The following SLCO3A1 variants were observed in gnomAD, a reference collection of about 807,000 sequenced individuals.
SLCO3A1 encodes the protein PGE1 transporter.
SLCO3A1 carries 27 observed loss-of-function variants against 63.1 expected under a neutral mutation model. The observed-to-expected ratio is 0.43, with a 90% CI of 0.32 to 0.59. SLCO3A1 has a LOEUF of 0.59. Ranked by LOEUF, SLCO3A1 falls within the 20% of genes least tolerant of loss-of-function variation. The pLI, the probability that SLCO3A1 is intolerant of heterozygous loss-of-function variation, is 0.09. For synonymous variants in SLCO3A1, 473 were observed against 409.9 expected, an observed-to-expected ratio of 1.15 and a Z score of -1.86; for missense variants, 773 against 945.8, an observed-to-expected ratio of 0.82 and a Z score of 2.40.
intron 4 of SLCO3A1, among the ~76,000 whole-genome samples, chr15:92,112,455 C>G (rs915204370): frequency 1.1e-4 from 16 of 152,240 alleles, no homozygotes; most frequent in African/African-American, 3.6e-4. Flanking sequence ...TGTGGAGTTT[C>G]TTGAACCACC....
At chr15:92,156,297 T>C (rs981536054) in intron 9 of SLCO3A1, among the ~76,000 whole-genome samples, 1 of 152,190 alleles carries the variant, frequency 6.6e-6, no homozygotes, top group African/African-American at 2.4e-5. Flanking sequence ...ACACTTTTAA[T>C]TGTTCATTCG....
At chr15:91,902,999 G>C (rs1158653833) in intron 1 of SLCO3A1, among the ~76,000 whole-genome samples, 2 of 152,252 alleles carry the variant, frequency 1.3e-5, no homozygotes, top group Non-Finnish European at 2.9e-5. Context: ...TAGCAGCGGT[G>C]CTTGTTACTG....
At chr15:91,924,076 G>T (rs1244679361) in intron 2 of SLCO3A1, among the ~76,000 whole-genome samples, 2 of 152,244 alleles carry the variant, frequency 1.3e-5, no homozygotes, top group Admixed American at 6.5e-5. Flanking sequence ...AGTGAGGCCA[G>T]GAGTGTCATG....
intron 2 of SLCO3A1, among the ~76,000 whole-genome samples, chr15:91,957,753 A>G (rs1900292469): frequency 6.6e-6 from 1 of 152,162 alleles, no homozygotes; most frequent in Non-Finnish European, 1.5e-5. Flanking sequence ...ATTTTTCTCC[A>G]TAGAACTTAG....
chr15:91,975,982 A>C (rs943363066), intron 2 of SLCO3A1, among the ~76,000 whole-genome samples: 3 of 152,162 alleles, frequency 2.0e-5, no homozygotes, highest in African/African-American at 7.2e-5. Flanking sequence ...GCAGCACCTC[A>C]CTTGATTATT....
intron 6 of SLCO3A1, among the ~76,000 whole-genome samples, chr15:92,127,091 A>G (rs2047933420): frequency 6.6e-6 from 1 of 152,216 alleles, no homozygotes; most frequent in Non-Finnish European, 1.5e-5. Context: ...AGCAGAACAG[A>G]GGCAGCTTTC....
chr15:92,147,308 G>A, intron 8 of SLCO3A1, 149 bp downstream of exon 8: 2 of 727,312 alleles, frequency 2.7e-6, no homozygotes, highest in Non-Finnish European at 4.4e-6. Context: ...TAGGCTGATA[G>A]GAATCAATTA....
At chr15:92,086,848 C>T (rs1264519455) in intron 2 of SLCO3A1, among the ~76,000 whole-genome samples, 28 of 152,040 alleles carry the variant, frequency 1.8e-4, no homozygotes, top group Admixed American at 1.2e-3. Context: ...TGGTGCCACA[C>T]GCCTGTAATC....
chr15:92,094,866 T>C lies in SLCO3A1; in HGVS notation c.647-15T>C. 6.3e-7 allele frequency: 1 copy of C among 1,582,320 alleles called. No homozygotes were observed. Among genetic ancestry groups the C allele is most frequent in the Non-Finnish European group, 8.7e-7 (1 of 1,151,824 alleles). ...TTCTGTTTTGTAATCTATTTTTTTC[T>C]TCATCTTCCTTCAGGAATCCTGTTC... On this transcript the variant is annotated splice_polypyrimidine_tract_variant and intron_variant, in intron 2 of 9. Coordinates refer to ENST00000318445, the MANE Select transcript of SLCO3A1 (RefSeq NM_013272.4).
Position 91,894,090 on chromosome 15 carries a change from T to C in SLCO3A1, c.181-21903T>C, listed in dbSNP as rs1897943098. Among the ~76,000 whole-genome samples the C allele has an allele frequency of 6.6e-6, 1 of 152,190 alleles. No homozygotes were observed. The highest frequency in any genetic ancestry group is 1.5e-5 in the Non-Finnish European group (1 of 68,044). On this transcript the variant is annotated intron_variant, in intron 1 of 9. Transcript: ENST00000318445. This position sits in a 1 kb window ranked among gnomAD's most constrained non-coding sequence, Gnocchi z 4.8. ...GGGAGAAATCAGCCTTGTCATGATC[T>C]GGGATAAGAGTGTTCCAGGCAGATG...
Position 92,159,717 on chromosome 15 carries a change from A to G in SLCO3A1, c.1754-3039A>G, listed in dbSNP as rs80146580. On this transcript the variant is annotated intron_variant, in intron 9 of 9. Coordinates refer to ENST00000318445, the MANE Select transcript of SLCO3A1 (RefSeq NM_013272.4). Reference sequence around the variant, plus strand: ...GTACTTAGCTTTCAAATTGTTGTTTAGAGGTTTTGTCATCTGGTAGTGGAG... The same window carrying G: ...GTACTTAGCTTTCAAATTGTTGTTTGGAGGTTTTGTCATCTGGTAGTGGAG... Among the ~76,000 whole-genome samples the G allele has an allele frequency of 7.9e-3, 1,209 of 152,162 alleles. 22 individuals are homozygous for G. Among genetic ancestry groups the G allele is most frequent in the African/African-American group, 0.027 (1,133 of 41,522 alleles).
At chr15:91,985,008 T>C (rs1157610659) in intron 2 of SLCO3A1, among the ~76,000 whole-genome samples, 1 of 152,148 alleles carries the variant, frequency 6.6e-6, no homozygotes, top group Non-Finnish European at 1.5e-5. Context: ...TCATCTCAGA[T>C]CATAAGTGAA....
intron 2 of SLCO3A1, among the ~76,000 whole-genome samples, chr15:91,937,185 T>A (rs1899444326): frequency 6.6e-6 from 1 of 152,184 alleles, no homozygotes; most frequent in African/African-American, 2.4e-5. Flanking sequence ...CATTAAAATG[T>A]GTTTCTGCTT....
intron 7 of SLCO3A1, among the ~76,000 whole-genome samples, chr15:92,143,205 T>C (rs975679826): frequency 1.4e-5 from 2 of 146,524 alleles, no homozygotes; most frequent in East Asian, 2.1e-4. Flanking sequence ...GTCCATATGG[T>C]TCTAAGAACT....
chr15:92,150,608 C>T (rs1346881217), intron 8 of SLCO3A1, among the ~76,000 whole-genome samples: 2 of 151,964 alleles, frequency 1.3e-5, no homozygotes, highest in Non-Finnish European at 2.9e-5. Flanking sequence ...ACGTGTACCC[C>T]ACCCACTTAA....
At chr15:91,969,658 T>A (rs1159435911) in intron 2 of SLCO3A1, among the ~76,000 whole-genome samples, 2 of 152,188 alleles carry the variant, frequency 1.3e-5, no homozygotes, top group African/African-American at 4.8e-5. Flanking sequence ...CAAAATCTCC[T>A]TTTACTTCAT....
At chr15:91,969,586 C>A (rs1050124472) in intron 2 of SLCO3A1, among the ~76,000 whole-genome samples, 3 of 152,184 alleles carry the variant, frequency 2.0e-5, no homozygotes, top group African/African-American at 7.2e-5. Context: ...GGATTACAGA[C>A]ATGAGCCACA....
At chr15:91,909,166 T>A (rs144594192) in intron 1 of SLCO3A1, among the ~76,000 whole-genome samples, 70 of 152,342 alleles carry the variant, frequency 4.6e-4, no homozygotes, top group South Asian at 1.7e-3. Flanking sequence ...CTTCATATAC[T>A]TACCAATGGC....
At chr15:91,931,902 A>T (rs550084925) in intron 2 of SLCO3A1, among the ~76,000 whole-genome samples, 72 of 152,238 alleles carry the variant, frequency 4.7e-4, no homozygotes, top group African/African-American at 1.7e-3. Context: ...TTAAGAAATC[A>T]CTGTTGCTGG....
Sources: gnomAD v4.1 joint callset for allele counts (sites outside exome capture counted in the v4.1 genomes callset) on GRCh38, gnomAD v4.1.1 for gene constraint, Gnocchi (gnomAD v3.1) non-coding constraint, MANE v1.5 for transcripts, NCBI Gene and HGNC (gene_info 2026-07-23, HGNC 2026-07-21) for gene names.